The following BCKDHB variants were observed in gnomAD, a reference collection of about 807,000 sequenced individuals.
BCKDHB encodes the protein 2-oxoisovalerate dehydrogenase subunit beta, mitochondrial.
A neutral mutation model predicts 48.5 loss-of-function variants in BCKDHB; 41 were observed. The ratio of observed to expected loss-of-function variants is 0.85; its 90% CI spans 0.66 to 1.10. BCKDHB has a LOEUF of 1.10. BCKDHB is among the 50% of genes least tolerant of loss of function. BCKDHB has a pLI of 0.00. For missense variants in BCKDHB, 496 were observed against 494.2 expected (o/e 1.00, Z -0.03); for synonymous variants, 201 against 174.8 (o/e 1.15, Z -1.18).
Position 80,299,860 on chromosome 6 carries a change from C to G in BCKDHB, c.1038+26639C>G, listed in dbSNP as rs151238968. 4.9e-3 allele frequency among the ~76,000 whole-genome samples: 749 copies of G among 152,194 alleles called. 3 individuals carry two copies. The highest frequency in any genetic ancestry group is 0.017 in the African/African-American group (697 of 41,548). On this transcript the variant is annotated intron_variant, in intron 9 of 9. Coordinates refer to ENST00000320393, the MANE Select transcript of BCKDHB (RefSeq NM_183050.4). ...AAAGGTTAAAATAATACATACCAACCTTGAATGTAAATGGGCTAAATTCCA... is the reference window on the plus strand; with the variant it reads ...AAAGGTTAAAATAATACATACCAACGTTGAATGTAAATGGGCTAAATTCCA...
chr6:80,423,066 C>T, the BCKDHB span, among the ~76,000 whole-genome samples: 1 of 152,192 alleles, frequency 6.6e-6, no homozygotes. Flanking sequence ...CCCCACATGT[C>T]GAGGGAGAGA....
chr6:80,136,103 A>G (rs562647597), intron 3 of BCKDHB, among the ~76,000 whole-genome samples: 13 of 152,044 alleles, frequency 8.6e-5, no homozygotes, highest in African/African-American at 2.7e-4. Context: ...CCTTTTGCCT[A>G]TTGTGTCCTA....
At chr6:80,356,303 A>G in the BCKDHB span, 1 of 152,226 alleles carries the variant, frequency 6.6e-6, no homozygotes, top group African/African-American at 2.4e-5. Context: ...ACTCATGTCC[A>G]TCAGATTTAT....
chr6:80,410,437 T>C, the BCKDHB span, among the ~76,000 whole-genome samples: 15 of 152,208 alleles, frequency 9.9e-5, no homozygotes, highest in Non-Finnish European at 1.0e-4. Flanking sequence ...CGAGTTGCTC[T>C]TCTCAAGGAG....
the BCKDHB span, among the ~76,000 whole-genome samples, chr6:80,414,397 G>T: frequency 6.6e-6 from 1 of 152,012 alleles, no homozygotes; most frequent in African/African-American, 2.4e-5. Flanking sequence ...TATTTTCTAG[G>T]TTGCCTTCCA....
downstream of BCKDHB, among the ~76,000 whole-genome samples, chr6:80,347,597 G>A (rs935043724): frequency 1.3e-5 from 2 of 152,082 alleles, no homozygotes; most frequent in African/African-American, 4.8e-5. Flanking sequence ...GGTATTTTAA[G>A]GATTTTCTCT....
intron 9 of BCKDHB, among the ~76,000 whole-genome samples, chr6:80,298,899 T>C (rs1428855410): frequency 6.6e-6 from 1 of 152,194 alleles, no homozygotes; most frequent in Non-Finnish European, 1.5e-5. Flanking sequence ...AGCTCTTAAG[T>C]TTCCCCCTTT....
intron 9 of BCKDHB, among the ~76,000 whole-genome samples, chr6:80,275,338 G>A (rs1013160239): frequency 1.3e-5 from 2 of 152,016 alleles, no homozygotes; most frequent in African/African-American, 4.8e-5. Flanking sequence ...TGCCTTCCAC[G>A]AGGAAGATAA....
At chr6:80,314,790 T>A (rs1014502055) in intron 9 of BCKDHB, among the ~76,000 whole-genome samples, 1 of 152,078 alleles carries the variant, frequency 6.6e-6, no homozygotes, top group Non-Finnish European at 1.5e-5. Context: ...TATGGGCTGG[T>A]AGGGGGAGCT....
At chr6:80,265,380 G>A (rs1197784394) in intron 8 of BCKDHB, among the ~76,000 whole-genome samples, 5 of 152,028 alleles carry the variant, frequency 3.3e-5, no homozygotes, top group Non-Finnish European at 5.9e-5. Context: ...TCAAAGGAGG[G>A]AAATTTTGAC....
the BCKDHB span, among the ~76,000 whole-genome samples, chr6:80,369,931 GATAT>G: frequency 2.4e-5 from 3 of 126,928 alleles, no homozygotes; most frequent in Non-Finnish European, 5.3e-5. Context: ...TTTTATTTAT[GATAT>G]GTTATAGTAA....
At chr6:80,410,297 G>C in the BCKDHB span, among the ~76,000 whole-genome samples, 1 of 152,068 alleles carries the variant, frequency 6.6e-6, no homozygotes, top group Non-Finnish European at 1.5e-5. Context: ...TTGCTTATCG[G>C]GTTTCTGCTG....
chr6:80,372,403 G>A, the BCKDHB span, among the ~76,000 whole-genome samples: 1 of 152,104 alleles, frequency 6.6e-6, no homozygotes, highest in African/African-American at 2.4e-5. Context: ...AACAGCAACA[G>A]TTTGACCTTG....
the BCKDHB span, among the ~76,000 whole-genome samples, chr6:80,373,168 A>C: frequency 6.6e-6 from 1 of 152,172 alleles, no homozygotes; most frequent in Non-Finnish European, 1.5e-5. Flanking sequence ...TTTCTGGTCT[A>C]ATCTAGGAGG....
At chr6:80,348,877 A>G (rs57118477), downstream of BCKDHB, among the ~76,000 whole-genome samples, 65 of 152,358 alleles carry the variant, frequency 4.3e-4, no homozygotes, top group African/African-American at 1.4e-3. Flanking sequence ...TTAAAGATTT[A>G]GAAACCCTGG....
At chr6:80,381,078 T>C in the BCKDHB span, among the ~76,000 whole-genome samples, 3 of 152,036 alleles carry the variant, frequency 2.0e-5, no homozygotes, top group Non-Finnish European at 4.4e-5. Context: ...TTCAGACATA[T>C]AAAATGATCT....
intron 8 of BCKDHB, among the ~76,000 whole-genome samples, chr6:80,206,541 T>TTGTGTGTGTGTG (rs35972426): frequency 4.1e-5 from 6 of 145,746 alleles, no homozygotes; most frequent in African/African-American, 1.5e-4. Context: ...CCTAGAAAGT[T>TTGTGTGTGTGTG]TGTGTGTGTG....
At chr6:80,166,116 A>G (rs1772556073) in intron 3 of BCKDHB, among the ~76,000 whole-genome samples, 1 of 152,198 alleles carries the variant, frequency 6.6e-6, no homozygotes, top group South Asian at 2.1e-4. Context: ...TCAAGAGTCA[A>G]GACTCCAGTT....
the BCKDHB span, among the ~76,000 whole-genome samples, chr6:80,389,859 G>A: frequency 4.6e-5 from 7 of 152,080 alleles, no homozygotes; most frequent in African/African-American, 1.4e-4. Context: ...GGATTTATGG[G>A]TCCAGGAATC....
Sources: allele counts gnomAD v4.1 joint callset (sites outside exome capture counted in the v4.1 genomes callset), GRCh38; gene constraint gnomAD v4.1.1; transcripts MANE v1.5; gene names NCBI Gene and HGNC (gene_info 2026-07-23, HGNC 2026-07-21).